The following RIMS1 variants were observed in gnomAD, a reference collection of about 807,000 sequenced individuals.
RIMS1 encodes the protein regulating synaptic membrane exocytosis 1, also known as regulating synaptic membrane exocytosis protein 1.
A neutral mutation model predicts 214.1 loss-of-function variants in RIMS1; 83 were observed. The observed-to-expected ratio is 0.39, with a 90% CI of 0.32 to 0.47. RIMS1 has a LOEUF of 0.47. Among genes scored for constraint, RIMS1 ranks in the 20% least tolerant of loss-of-function variants. The pLI is 0.99. For missense variants in RIMS1, 2,050 were observed against 2,161.8 expected (o/e 0.95, Z 1.03); for synonymous variants, 793 against 786.8 (o/e 1.01, Z -0.13).
intron 6 of RIMS1, among the ~76,000 whole-genome samples, chr6:72,198,095 A>G (rs2051294132): frequency 6.6e-6 from 1 of 152,112 alleles, no homozygotes; most frequent in Non-Finnish European, 1.5e-5. Flanking sequence ...CAGTAGTCCC[A>G]CTACTGGTAT....
chr6:72,145,592 C>A (rs761455058), intron 4 of RIMS1, among the ~76,000 whole-genome samples: 2 of 152,022 alleles, frequency 1.3e-5, no homozygotes, highest in Non-Finnish European at 2.9e-5. Context: ...AGCCTGGTGA[C>A]AGAGTGAGAC....
intron 2 of RIMS1, among the ~76,000 whole-genome samples, chr6:71,978,166 T>G (rs1797629276): frequency 2.0e-5 from 3 of 152,110 alleles, no homozygotes; most frequent in Admixed American, 2.0e-4. Flanking sequence ...CTAATATGCT[T>G]AAGAGGGTCA....
At chr6:72,150,861 T>C (rs1447679183) in intron 4 of RIMS1, among the ~76,000 whole-genome samples, 5 of 152,196 alleles carry the variant, frequency 3.3e-5, no homozygotes. Flanking sequence ...TTCCAGATTA[T>C]ATTGTGCCAT....
chr6:72,353,174 G>T (rs1386625724), intron 29 of RIMS1, among the ~76,000 whole-genome samples: 1 of 151,496 alleles, frequency 6.6e-6, no homozygotes, highest in African/African-American at 2.4e-5. Context: ...TAGTAGAGAC[G>T]GGGTTTCACC....
intron 6 of RIMS1, chr6:72,217,248 A>T: frequency 6.5e-7 from 1 of 1,532,078 alleles, no homozygotes; most frequent in Non-Finnish European, 8.8e-7. Flanking sequence ...GAACAGGTAA[A>T]CTAAATTATA....
At chr6:72,273,488 G>T (rs1012134951) in intron 22 of RIMS1, among the ~76,000 whole-genome samples, 1 of 152,024 alleles carries the variant, frequency 6.6e-6, no homozygotes, top group African/African-American at 2.4e-5. Context: ...CTAGATGTTT[G>T]AAATTTGTGT....
At position 72,250,378 on chromosome 6, in the gene RIMS1, C is replaced by A. The variant is rs545435038; in HGVS notation, c.2290C>A (p.Leu764Met). ...GGGACACCAGCTGATTGTAAATGTT[C>A]TGCAAGCAACAGATCTACCTGCTAG... ...KVGHQLIVNV[L>M]QATDLPARVD... The change falls in exon 13 of 34, where the codon CTG becomes ATG. Residue 764 changes from leucine (L) to methionine (M), a missense_variant. By Grantham distance (15) the Leu-to-Met change is conservative (BLOSUM62 2). Coordinates refer to ENST00000521978, the MANE Select transcript of RIMS1 (RefSeq NM_014989.7). 21 of 1,609,696 alleles carry A rather than the reference C, an allele frequency of 1.3e-5. No individual in the cohort carries two copies. Among genetic ancestry groups the A allele is most frequent in the Non-Finnish European group, 1.8e-5 (21 of 1,177,372 alleles).
At chr6:72,130,503 C>T (rs1274731737) in intron 4 of RIMS1, among the ~76,000 whole-genome samples, 1 of 152,028 alleles carries the variant, frequency 6.6e-6, no homozygotes, top group Non-Finnish European at 1.5e-5. Context: ...GAAAGTAGGT[C>T]ATAATGAGGG....
chr6:72,138,832 G>A (rs951884837), intron 4 of RIMS1, among the ~76,000 whole-genome samples: 9 of 152,110 alleles, frequency 5.9e-5, no homozygotes, highest in African/African-American at 1.7e-4. Flanking sequence ...TTGAGAAGTG[G>A]TCACTATCTT....
chr6:71,896,253 A>T lies in RIMS1; in HGVS notation c.164+9066A>T, dbSNP rs200156955. 3.3e-5 allele frequency among the ~76,000 whole-genome samples: 5 copies of T among 152,344 alleles called. No individual in the cohort carries two copies. In the East Asian group the frequency reaches 9.6e-4, roughly 29 times the overall value. On this transcript the variant is annotated intron_variant, in intron 1 of 33. Coordinates refer to ENST00000521978, the MANE Select transcript of RIMS1 (RefSeq NM_014989.7). ...ATAAAATACAGTAAAGTCTTCTTAT[A>T]TTGAGAATGGATATTTCAATTTACA...
intron 3 of RIMS1, among the ~76,000 whole-genome samples, chr6:72,099,551 A>G (rs1021166313): frequency 5.3e-5 from 8 of 152,142 alleles, no homozygotes; most frequent in African/African-American, 9.7e-5. Flanking sequence ...CATTTTCCCA[A>G]ATTGTGACTA....
intron 2 of RIMS1, among the ~76,000 whole-genome samples, chr6:71,992,078 A>G (rs1284035883): frequency 6.7e-6 from 1 of 149,040 alleles, no homozygotes; most frequent in Non-Finnish European, 1.5e-5. Flanking sequence ...AAAGAAAAAG[A>G]AAAAAAAAAG....
At chr6:72,322,391 C>G (rs1034730980) in intron 28 of RIMS1, among the ~76,000 whole-genome samples, 6 of 152,068 alleles carry the variant, frequency 3.9e-5, no homozygotes, top group Non-Finnish European at 7.4e-5. Context: ...ACTGGTATAG[C>G]ATGATTTTAA....
At chr6:72,341,635 G>A (rs2097096870) in intron 29 of RIMS1, among the ~76,000 whole-genome samples, 1 of 151,652 alleles carries the variant, frequency 6.6e-6, no homozygotes, top group East Asian at 2.0e-4. Context: ...TACACTGGAA[G>A]GAAATCATTC....
chr6:72,192,360 G>A (rs1269566009), intron 6 of RIMS1, among the ~76,000 whole-genome samples: 1 of 152,172 alleles, frequency 6.6e-6, no homozygotes, highest in Admixed American at 6.5e-5. Flanking sequence ...CCTGGGGAAG[G>A]ATAGGAGAAA....
intron 5 of RIMS1, among the ~76,000 whole-genome samples, chr6:72,180,321 T>G (rs1032064310): frequency 5.3e-5 from 8 of 152,212 alleles, no homozygotes; most frequent in African/African-American, 1.9e-4. Context: ...TAAGGGTATT[T>G]CTTTTATGCT....
intron 2 of RIMS1, among the ~76,000 whole-genome samples, chr6:71,971,844 G>A (rs527324687): frequency 4.6e-5 from 7 of 152,054 alleles, no homozygotes; most frequent in South Asian, 2.1e-4. Context: ...GGGTCCCTCC[G>A]CCAATACATG....
chr6:72,326,527 G>A (rs2096473025), intron 28 of RIMS1, among the ~76,000 whole-genome samples: 1 of 151,520 alleles, frequency 6.6e-6, no homozygotes, highest in Non-Finnish European at 1.5e-5. Flanking sequence ...TTTCTTGTTT[G>A]TCTGTTACCA....
intron 26 of RIMS1, among the ~76,000 whole-genome samples, chr6:72,298,545 G>A (rs1459580029): frequency 2.6e-5 from 4 of 152,042 alleles, no homozygotes; most frequent in South Asian, 4.1e-4. Flanking sequence ...GCATCACCAC[G>A]TAATTATAGT....
Sources: allele counts gnomAD v4.1 joint callset (sites outside exome capture counted in the v4.1 genomes callset), GRCh38; gene constraint gnomAD v4.1.1; transcripts MANE v1.5; gene names NCBI Gene and HGNC (gene_info 2026-07-23, HGNC 2026-07-21).